RSBN1L: variants seen among roughly 807,000 people sequenced by gnomAD.
RSBN1L encodes the protein lysine-specific demethylase RSBN1L.
In RSBN1L, 30 loss-of-function variants were observed where a neutral mutation model predicts 67.7. The observed-to-expected ratio is 0.44, with a 90% confidence interval of 0.33 to 0.60. The LOEUF is 0.60. Ranked by LOEUF, RSBN1L falls within the 20% of genes least tolerant of loss-of-function variation. The pLI, the probability that RSBN1L is intolerant of heterozygous loss-of-function variation, is 0.02. For synonymous variants in RSBN1L, 433 were observed against 387.0 expected (o/e 1.12, Z -1.39); for missense variants, 992 against 1,031.7 (o/e 0.96, Z 0.53).
intron 3 of RSBN1L, among the ~76,000 whole-genome samples, chr7:77,757,253 A>T (rs1423004370): frequency 6.6e-6 from 1 of 152,234 alleles, no homozygotes; most frequent in African/African-American, 2.4e-5. Flanking sequence ...CTGACAAAGG[A>T]TTAAAACATC....
intron 3 of RSBN1L, 132 bp downstream of exon 3, chr7:77,750,196 G>T: frequency 2.8e-6 from 1 of 353,466 alleles, no homozygotes; most frequent in Non-Finnish European, 4.7e-6. Context: ...AGTATTAAGA[G>T]TAAATTACTT....
At chr7:77,698,435 A>G (rs1790770235) in intron 1 of RSBN1L, among the ~76,000 whole-genome samples, 1 of 152,252 alleles carries the variant, frequency 6.6e-6, no homozygotes. Context: ...GCTTGGTATC[A>G]TCACTAGTGT....
At chr7:77,717,331 A>C (rs1393815692) in intron 1 of RSBN1L, among the ~76,000 whole-genome samples, 1 of 152,052 alleles carries the variant, frequency 6.6e-6, no homozygotes, top group African/African-American at 2.4e-5. Flanking sequence ...TATTTTTATG[A>C]TGGGAGTTTT....
chr7:77,743,727 C>A (rs1462095185), intron 2 of RSBN1L, among the ~76,000 whole-genome samples: 1 of 152,164 alleles, frequency 6.6e-6, no homozygotes, highest in Non-Finnish European at 1.5e-5. Flanking sequence ...GTAATTTATG[C>A]AGTTCTACAT....
chr7:77,702,106 C>T lies in RSBN1L; in HGVS notation c.586+5051C>T, dbSNP rs140447647. 6.2e-4 allele frequency among the ~76,000 whole-genome samples: 94 copies of T among 152,264 alleles called. 1 individual carries two copies. Among genetic ancestry groups the T allele is most frequent in the African/African-American group, 2.2e-3 (92 of 41,564 alleles). On this transcript the variant is annotated intron_variant, in intron 1 of 7. Transcript: ENST00000334955. ...TCAGCCTCCTGAGTAGCTGGGACTACAGGCGCACACCACCACACCCAGCTA... is the reference window on the plus strand; with the variant it reads ...TCAGCCTCCTGAGTAGCTGGGACTATAGGCGCACACCACCACACCCAGCTA...
intron 1 of RSBN1L, among the ~76,000 whole-genome samples, chr7:77,708,622 T>C (rs1436546816): frequency 6.6e-6 from 1 of 152,076 alleles, no homozygotes; most frequent in Non-Finnish European, 1.5e-5. Context: ...GACCTTGTGA[T>C]CCACCCGCCT....
At chr7:77,757,976 T>C (rs1791641855) in intron 3 of RSBN1L, among the ~76,000 whole-genome samples, 1 of 149,536 alleles carries the variant, frequency 6.7e-6, no homozygotes, top group Non-Finnish European at 1.5e-5. Context: ...TTACTTTAAT[T>C]TTTTTTCTTG....
intron 2 of RSBN1L, among the ~76,000 whole-genome samples, chr7:77,741,954 C>G (rs1791416136): frequency 6.6e-6 from 1 of 151,852 alleles, no homozygotes; most frequent in Non-Finnish European, 1.5e-5. Context: ...ACTGGGATTC[C>G]TAAGGCTACT....
intron 3 of RSBN1L, among the ~76,000 whole-genome samples, chr7:77,757,868 G>T (rs1791640609): frequency 6.6e-6 from 1 of 152,162 alleles, no homozygotes; most frequent in Non-Finnish European, 1.5e-5. Context: ...TGCTTGTGTT[G>T]TGTTTGCTAA....
intron 1 of RSBN1L, among the ~76,000 whole-genome samples, chr7:77,721,347 G>T (rs1361875171): frequency 6.6e-6 from 1 of 151,652 alleles, no homozygotes; most frequent in Non-Finnish European, 1.5e-5. Flanking sequence ...TTCACATTGA[G>T]CATCACTTAT....
intron 6 of RSBN1L, 62 bp from the exon 7 acceptor site, chr7:77,778,276 A>G: frequency 8.8e-7 from 1 of 1,138,942 alleles, no homozygotes; most frequent in Non-Finnish European, 1.3e-6. Flanking sequence ...TTTGAGTTTA[A>G]TAAGGACTCA....
chr7:77,751,901 C>A (rs779338940), intron 3 of RSBN1L, among the ~76,000 whole-genome samples: 5 of 152,172 alleles, frequency 3.3e-5, no homozygotes, highest in Non-Finnish European at 4.4e-5. Flanking sequence ...ATACCACAAA[C>A]TTTCTTGCTT....
At chr7:77,743,804 AT>A (rs1295202171) in intron 2 of RSBN1L, among the ~76,000 whole-genome samples, 9 of 151,956 alleles carry the variant, frequency 5.9e-5, no homozygotes, top group African/African-American at 2.2e-4. Flanking sequence ...GTTAAATTCT[AT>A]TTTTTATTGC....
At chr7:77,704,173 T>C (rs1231234940) in intron 1 of RSBN1L, among the ~76,000 whole-genome samples, 1 of 152,206 alleles carries the variant, frequency 6.6e-6, no homozygotes, top group Non-Finnish European at 1.5e-5. Flanking sequence ...AATTTTCTCA[T>C]GGTGTCCTGG....
intron 3 of RSBN1L, among the ~76,000 whole-genome samples, chr7:77,755,679 AAACAAAAAAC>A (rs1037152902): frequency 3.3e-5 from 5 of 152,098 alleles, no homozygotes; most frequent in East Asian, 1.9e-4. Context: ...AACAAAACAA[AAACAAAAAAC>A]AAACAACCTC....
At chr7:77,742,476 T>G (rs967658107) in intron 2 of RSBN1L, among the ~76,000 whole-genome samples, 9 of 152,146 alleles carry the variant, frequency 5.9e-5, no homozygotes, top group African/African-American at 2.2e-4. Context: ...ATTGGTCATA[T>G]AGGCACCATT....
intron 1 of RSBN1L, among the ~76,000 whole-genome samples, chr7:77,731,017 CTG>C (rs1297335935): frequency 1.3e-5 from 2 of 152,182 alleles, no homozygotes; most frequent in African/African-American, 4.8e-5. Context: ...TCCTTTTGCT[CTG>C]TATTTTTGTC....
chr7:77,761,385 G>A (rs1233007683), intron 3 of RSBN1L, among the ~76,000 whole-genome samples: 1 of 152,166 alleles, frequency 6.6e-6, no homozygotes, highest in East Asian at 1.9e-4. Flanking sequence ...CATTTACTGT[G>A]ATTATTTAGA....
At chr7:77,741,763 A>G (rs1358744671) in intron 2 of RSBN1L, among the ~76,000 whole-genome samples, 2 of 152,042 alleles carry the variant, frequency 1.3e-5, no homozygotes, top group South Asian at 2.1e-4. Flanking sequence ...AGTGTAGGAG[A>G]AGCAAATTGG....
Sources: gnomAD v4.1 joint callset for allele counts (sites outside exome capture counted in the v4.1 genomes callset) on GRCh38, gnomAD v4.1.1 for gene constraint, MANE v1.5 for transcripts, NCBI Gene and HGNC (gene_info 2026-07-23, HGNC 2026-07-21) for gene names.